The following CLYBL variants were observed in gnomAD, a reference collection of about 807,000 sequenced individuals.
The protein encoded by CLYBL is citramalyl-CoA lyase.
CLYBL carries 31 observed loss-of-function variants against 38.9 expected under a neutral mutation model. The ratio of observed to expected loss-of-function variants is 0.80; its 90% confidence interval spans 0.60 to 1.08. The LOEUF is 1.08. Ranked by LOEUF, CLYBL falls within the 50% of genes least tolerant of loss-of-function variation. The pLI is 0.00. For synonymous variants in CLYBL, 171 were observed against 158.6 expected (o/e 1.08, Z -0.59); for missense variants, 434 against 411.6 (o/e 1.05, Z -0.47).
intron 1 of CLYBL, chr13:99,690,984 G>T (rs1392661950): frequency 6.6e-6 from 1 of 152,216 alleles, no homozygotes; most frequent in Non-Finnish European, 1.5e-5. Context: ...AGGCAGCAGG[G>T]TGGTAGGGAC....
At chr13:99,838,800 TA>T (rs1165509188) in intron 2 of CLYBL, among the ~76,000 whole-genome samples, 1 of 86,752 alleles carries the variant, frequency 1.2e-5, no homozygotes, top group African/African-American at 5.6e-5. Flanking sequence ...CACGCCTGGC[TA>T]ATTTTTTGTG....
intron 1 of CLYBL, among the ~76,000 whole-genome samples, chr13:99,742,799 A>G (rs1349280687): frequency 6.6e-6 from 1 of 152,200 alleles, no homozygotes; most frequent in East Asian, 1.9e-4. Context: ...CCCAGCCAAT[A>G]TTATTACACA....
At chr13:99,724,921 TG>T (rs1225596303) in intron 1 of CLYBL, among the ~76,000 whole-genome samples, 1 of 152,142 alleles carries the variant, frequency 6.6e-6, no homozygotes. Context: ...AAAAAGGGAT[TG>T]GGGTAGTTCA....
In CLYBL at chr13:99,867,499, A is replaced by AC. The variant is rs200113173; in HGVS notation, c.802+1100dup. ...TACACAAAGAGCTAAAATAAATATG[A>AC]CCCCCCCCAATTTTTTAAATAAGTG... On this transcript the variant is annotated intron_variant, in intron 6 of 8. Coordinates refer to ENST00000339105, the MANE Select transcript of CLYBL (RefSeq NM_206808.5). Among the ~76,000 whole-genome samples the AC allele has an allele frequency of 7.9e-4, 117 of 148,760 alleles. No homozygotes were observed. The Middle Eastern group carries it at 0.01, about 13-fold the overall frequency.
intron 1 of CLYBL, among the ~76,000 whole-genome samples, chr13:99,653,277 T>C (rs1179880786): frequency 1.3e-5 from 2 of 152,094 alleles, no homozygotes; most frequent in East Asian, 3.9e-4. Flanking sequence ...AGTATCATGA[T>C]GGATGTACTA....
intron 2 of CLYBL, among the ~76,000 whole-genome samples, chr13:99,833,030 A>ATTTTTTT (rs869061868): frequency 2.8e-5 from 1 of 35,870 alleles, no homozygotes; most frequent in African/African-American, 1.4e-4. Flanking sequence ...ATATATATAT[A>ATTTTTTT]TTTTTTTTTT....
intron 1 of CLYBL, among the ~76,000 whole-genome samples, chr13:99,675,913 G>A (rs2047636863): frequency 6.6e-6 from 1 of 152,232 alleles, no homozygotes; most frequent in Non-Finnish European, 1.5e-5. Context: ...GAATGCAGTA[G>A]CATGATCTCA....
chr13:99,782,249 G>C (rs911605927), intron 2 of CLYBL, among the ~76,000 whole-genome samples: 1 of 152,152 alleles, frequency 6.6e-6, no homozygotes, highest in Non-Finnish European at 1.5e-5. Context: ...GCTCACACCT[G>C]TAATGCCATT....
chr13:99,866,447 A>G (rs2051747031), intron 6 of CLYBL, 40 bp downstream of exon 6: 1 of 1,577,194 alleles, frequency 6.3e-7, no homozygotes, highest in Admixed American at 1.9e-5. Flanking sequence ...TAAATTAGCA[A>G]GCATTCCAGA....
chr13:99,899,366 A>G (rs2052617221), downstream of CLYBL, among the ~76,000 whole-genome samples: 1 of 152,120 alleles, frequency 6.6e-6, no homozygotes, highest in Admixed American at 6.5e-5. Flanking sequence ...CTAATCCTGA[A>G]TTCTCCTTCC....
Position 99,775,804 on chromosome 13 carries a change from C to T in CLYBL, c.249+2794C>T, listed in dbSNP as rs138994030. Among the ~76,000 whole-genome samples, 70 of 152,134 alleles carry T rather than the reference C, an allele frequency of 4.6e-4. 1 individual carries two copies. The highest frequency in any genetic ancestry group is 1.5e-3 in the African/African-American group (62 of 41,536). ...GATTACAGGCATAAGCCATGATGCC[C>T]GGCCAAAATTCTCTTTTTCATCCAT... On this transcript the variant is annotated intron_variant, in intron 2 of 8. Coordinates refer to ENST00000339105, the MANE Select transcript of CLYBL (RefSeq NM_206808.5).
intron 2 of CLYBL, among the ~76,000 whole-genome samples, chr13:99,827,023 TTA>T (rs151095632): frequency 0.011 from 1,636 of 151,156 alleles, 24 homozygotes; most frequent in African/African-American, 0.039. Flanking sequence ...TCCTCCCTGT[TTA>T]AGTTATTATT....
chr13:99,655,329 G>A (rs1401061996), intron 1 of CLYBL, among the ~76,000 whole-genome samples: 1 of 152,146 alleles, frequency 6.6e-6, no homozygotes, highest in Non-Finnish European at 1.5e-5. Context: ...GTCTGCCTCG[G>A]CCTCCCAAAG....
chr13:99,843,469 G>C (rs963250047), intron 2 of CLYBL, among the ~76,000 whole-genome samples: 1 of 152,094 alleles, frequency 6.6e-6, no homozygotes, highest in Non-Finnish European at 1.5e-5. Flanking sequence ...TTCCTGACTG[G>C]AATATAAGTT....
At chr13:99,676,566 A>C (rs1594114544) in intron 1 of CLYBL, among the ~76,000 whole-genome samples, 1 of 149,404 alleles carries the variant, frequency 6.7e-6, no homozygotes, top group Admixed American at 6.7e-5. Context: ...CTGGGATTAC[A>C]GGCATGAGCC....
rs575674277 is a variant in CLYBL, at chr13:99,758,799, C to T, written c.63-14025C>T. On this transcript the variant is annotated intron_variant, in intron 1 of 8. Transcript: ENST00000339105. ...ACAGTTTTGTTGCCTTTGATCTTTT[C>T]CCCTAGAGCTTGCTCAGTGCTGGCC... Among the ~76,000 whole-genome samples, 3 of 152,352 alleles carry T rather than the reference C, an allele frequency of 2.0e-5. No individual in the cohort carries two copies. In the East Asian group the frequency reaches 5.8e-4, roughly 29 times the overall value.
Position 99,726,495 on chromosome 13 carries a change from T to C in CLYBL, c.63-46329T>C, listed in dbSNP as rs117622214. On this transcript the variant is annotated intron_variant, in intron 1 of 8. Transcript: ENST00000339105. ...ATGCTAACTGAAATTGTGTGATTGA[T>C]AGATTTCCCCAGACTTAAAACTGGA... 6.6e-5 allele frequency: 10 copies of C among 152,318 alleles called. No individual in the cohort carries two copies. In the East Asian group the frequency reaches 1.9e-3, roughly 29 times the overall value. The allele number at this position is 152,318 out of a possible 1,614,324, so 9.4% of individuals were successfully genotyped here.
In CLYBL at chr13:99,858,874, T is replaced by A; in HGVS notation, c.263T>A (p.Leu88Gln). 6.2e-7 allele frequency: 1 copy of A among 1,603,632 alleles called. No individual in the cohort carries two copies. Among genetic ancestry groups the A allele is most frequent in the Non-Finnish European group, 8.5e-7 (1 of 1,176,654 alleles). Reference protein sequence around the residue: ...VAANKKNEARLRIVKTLEDID... With the variant: ...VAANKKNEARQRIVKTLEDID... ...TGACACTTACAGAATGAAGCTCGAC[T>A]GAGAATTGTAAAAACTCTTGAAGAC... Residue 88 changes from leucine to glutamine, a missense_variant, in exon 3 of 9, where the codon CTG becomes CAG. Physicochemically the swap from Leu to Gln is moderately radical, Grantham distance 113. Transcript: ENST00000339105.
chr13:99,843,472 T>A (rs2139133084), intron 2 of CLYBL, among the ~76,000 whole-genome samples: 1 of 152,282 alleles, frequency 6.6e-6, no homozygotes, highest in East Asian at 1.9e-4. Flanking sequence ...CTGACTGGAA[T>A]ATAAGTTCCA....
Sources: allele counts gnomAD v4.1 joint callset (sites outside exome capture counted in the v4.1 genomes callset), GRCh38; gene constraint gnomAD v4.1.1; transcripts MANE v1.5; gene names NCBI Gene and HGNC (gene_info 2026-07-23, HGNC 2026-07-21).